Variants in PDE4A observed in about 807,000 individuals in gnomAD.
PDE4A encodes 3',5'-cyclic-AMP phosphodiesterase 4A.
Under a neutral mutation model 73.9 loss-of-function variants are expected in PDE4A, and 21 were observed. That is an observed-to-expected ratio of 0.28 (90% CI 0.20 to 0.41). PDE4A has a LOEUF of 0.41. Ranked by LOEUF, PDE4A falls within the 10% of genes least tolerant of loss-of-function variation. PDE4A has a pLI of 1.00. For missense variants in PDE4A, 958 were observed against 1,211.4 expected (o/e 0.79, Z 3.10); for synonymous variants, 463 against 505.4 (o/e 0.92, Z 1.13).
intron 1 of PDE4A, chr19:10,428,857 G>A: frequency 1.0e-6 from 1 of 985,408 alleles, no homozygotes; most frequent in Non-Finnish European, 1.2e-6. Flanking sequence ...TCACTGTTGG[G>A]CGCAGTGGCT....
intron 1 of PDE4A, among the ~76,000 whole-genome samples, chr19:10,436,768 A>G (rs759667134): frequency 6.6e-5 from 10 of 152,020 alleles, no homozygotes; most frequent in Non-Finnish European, 1.2e-4. Flanking sequence ...GGCTGGGTGC[A>G]GTGGCTCACG....
chr19:10,447,360 G>A (rs1373105910), intron 2 of PDE4A, among the ~76,000 whole-genome samples: 1 of 148,828 alleles, frequency 6.7e-6, no homozygotes, highest in East Asian at 2.0e-4. Context: ...TGAGTAGCTG[G>A]GACTACAGGT....
chr19:10,417,108 G>T, upstream of PDE4A: 1 of 1,453,050 alleles, frequency 6.9e-7, no homozygotes. Context: ...GCTGTGAGGA[G>T]TTTGGTCCCC....
chr19:10,428,834 C>T (rs754274307), intron 1 of PDE4A: 12 of 985,246 alleles, frequency 1.2e-5, no homozygotes, highest in Non-Finnish European at 1.2e-5. Context: ...GAGGTGGACT[C>T]GAAAATAGAG....
chr19:10,455,483 T>A lies in PDE4A; in HGVS notation c.877+561T>A, dbSNP rs200489573. On this transcript the variant is annotated intron_variant, in intron 7 of 14. Transcript: ENST00000380702. ...CTTGTCTCAAAAAAAAAAAAAAAAATATTAGCCGGGCATGGTGGTGTGTGC... is the reference window on the plus strand; with the variant it reads ...CTTGTCTCAAAAAAAAAAAAAAAAAAATTAGCCGGGCATGGTGGTGTGTGC... Among the ~76,000 whole-genome samples the A allele has an allele frequency of 8.0e-3, 907 of 113,680 alleles. 11 individuals are homozygous for A. Among genetic ancestry groups the A allele is most frequent in the East Asian group, 0.038 (156 of 4,130 alleles). 74.6% of individuals were successfully genotyped at this position (113,680 alleles called of 152,430 possible).
rs1022900181 is a variant in PDE4A at position 10,424,399 on chromosome 19, T to G, written c.320+3315T>G. ...ATCCGTCTGGTCGCTGGTCTCTGTC[T>G]CCACTTGGGTCCTCGCCTCCCCCTT... On this transcript the variant is annotated intron_variant, in intron 1 of 14. Transcript: ENST00000380702. The surrounding 1 kb of genome is among the most constrained non-coding windows in gnomAD (Gnocchi z 4.8). Among the ~76,000 whole-genome samples, 26 of 152,188 alleles carry G rather than the reference T, an allele frequency of 1.7e-4. No homozygotes were observed. Among genetic ancestry groups the G allele is most frequent in the Non-Finnish European group, 3.7e-4 (25 of 68,032 alleles).
chr19:10,465,295 A>T lies in PDE4A; in HGVS notation c.1926+1320A>T, dbSNP rs145127941. 8.5e-3 allele frequency among the ~76,000 whole-genome samples: 1,269 copies of T among 149,182 alleles called. 13 individuals are homozygous for T. The highest frequency in any genetic ancestry group is 0.029 in the African/African-American group (1,180 of 40,294). ...GAGTACAGTGGTGCAGTCTCAGCTCACTGCAACCTCCGCCTCTCGGGTTCA... is the reference window on the plus strand; with the variant it reads ...GAGTACAGTGGTGCAGTCTCAGCTCTCTGCAACCTCCGCCTCTCGGGTTCA... On this transcript the variant is annotated intron_variant, in intron 14 of 14. Coordinates refer to ENST00000380702, the MANE Select transcript of PDE4A (RefSeq NM_001111307.2).
intron 1 of PDE4A, among the ~76,000 whole-genome samples, chr19:10,432,952 G>A (rs1209203531): frequency 1.3e-5 from 2 of 152,124 alleles, no homozygotes; most frequent in Non-Finnish European, 2.9e-5. Context: ...AGTGTCTCCA[G>A]CCTTACCTTC....
chr19:10,417,997 TGGC>T, upstream of PDE4A: 1 of 1,053,842 alleles, frequency 9.5e-7, no homozygotes, highest in Non-Finnish European at 1.4e-6. Flanking sequence ...ACTTGTCCTG[TGGC>T]GGGCTGTGAC....
chr19:10,463,971 C>A lies in PDE4A; in HGVS notation c.1922C>A (p.Ser641Tyr), dbSNP rs1199282953. Residue 641 changes from serine to tyrosine, a missense_variant, in exon 14 of 15, where the codon TCT becomes TAT. Physicochemically the swap from Ser to Tyr is moderately radical, Grantham distance 144. This residue lies in a region of PDE4A where 570 missense variants were observed against 827.7 expected (regional missense o/e 0.69). Coordinates refer to ENST00000380702, the MANE Select transcript of PDE4A (RefSeq NM_001111307.2). The stretch of plus-strand genomic sequence containing the variant: ...AAGCACACTGCCTCCGTGGAGAAGT[C>A]TCAGGTACAGGCTCGGGGCATTGAT... ...CDKHTASVEKSQVGFIDYIVH... is the reference protein window; with the variant it reads ...CDKHTASVEKYQVGFIDYIVH... 1.2e-6 allele frequency: 2 copies of A among 1,613,948 alleles called. No individual in the cohort carries two copies. Among genetic ancestry groups the A allele is most frequent in the Non-Finnish European group, 1.7e-6 (2 of 1,179,996 alleles).
chr19:10,431,108 G>A lies in PDE4A; in HGVS notation c.320+10024G>A, dbSNP rs201979892. 54 of 1,466,220 alleles carry A rather than the reference G, an allele frequency of 3.7e-5. No individual in the cohort carries two copies. In the East Asian group the frequency reaches 1.2e-3, roughly 32 times the overall value. The allele number at this position is 1,466,220 out of a possible 1,614,324, so 90.8% of individuals were successfully genotyped here. Reference sequence around the variant, plus strand: ...CTGGGTAAGTGCAGCGCTGGTGGCCGTGGGTTCAAGTCGCCCCTGGCCACC... The same window carrying A: ...CTGGGTAAGTGCAGCGCTGGTGGCCATGGGTTCAAGTCGCCCCTGGCCACC... On this transcript the variant is annotated intron_variant, in intron 1 of 14. Coordinates refer to ENST00000380702, the MANE Select transcript of PDE4A (RefSeq NM_001111307.2).
At chr19:10,421,113 G>A in intron 1 of PDE4A, 29 bp downstream of exon 1, 1 of 1,353,510 alleles carries the variant, frequency 7.4e-7, no homozygotes. Context: ...GATGCGCGCG[G>A]AACGGATGGG....
chr19:10,451,681 G>A lies in PDE4A; in HGVS notation c.783+740G>A, dbSNP rs117820127. Among the ~76,000 whole-genome samples, 257 of 152,208 alleles carry A rather than the reference G, an allele frequency of 1.7e-3. 2 individuals carry two copies. The East Asian group carries it at 0.02, about 12-fold the overall frequency. ...TGTGTAGCTCTATGTGTTTGTGAAT[G>A]TGTGTGTTTGCAGGGCCGTAGGGGT... On this transcript the variant is annotated intron_variant, in intron 6 of 14. Transcript: ENST00000380702.
intron 1 of PDE4A, among the ~76,000 whole-genome samples, chr19:10,421,784 A>G (rs2042655022): frequency 6.6e-6 from 1 of 152,160 alleles, no homozygotes; most frequent in Non-Finnish European, 1.5e-5. Context: ...TGCAGAGGTG[A>G]CAGCATAGTG....
In PDE4A at chr19:10,459,657, G is replaced by A. The variant is rs201455431; in HGVS notation, c.1263G>A (p.Thr421=). 146 of 1,614,086 alleles carry A rather than the reference G, an allele frequency of 9.0e-5. No individual in the cohort carries two copies. The highest frequency in any genetic ancestry group is 2.7e-4 in the African/African-American group (20 of 74,928). The change falls in exon 10 of 15, where the codon ACG becomes ACA. Residue 421 remains threonine, a synonymous_variant. Transcript: ENST00000380702. ...ACACGATGGTGACATACATGCTGAC[G>A]CTGGAGGATCACTACCACGCTGACG... ...PVDTMVTYML[T]LEDHYHADVA... is the part of the protein sequence containing the mutation.
intron 1 of PDE4A, chr19:10,421,378 G>A (rs1398240428): frequency 9.2e-6 from 9 of 978,368 alleles, no homozygotes; most frequent in Non-Finnish European, 9.7e-6. Flanking sequence ...TGTATTCTTG[G>A]TGACAGTGCA....
At chr19:10,454,232 C>A (rs1333701645) in intron 6 of PDE4A, among the ~76,000 whole-genome samples, 1 of 152,124 alleles carries the variant, frequency 6.6e-6, no homozygotes, top group East Asian at 1.9e-4. Flanking sequence ...TTCCTCAGCT[C>A]ACCATTCTCC....
Position 10,453,459 on chromosome 19 carries a change from C to T in PDE4A, c.784-1370C>T. 1 of 1,199,742 alleles carries T rather than the reference C, an allele frequency of 8.3e-7. No homozygotes were observed. Among genetic ancestry groups the T allele is most frequent in the South Asian group, 1.6e-5 (1 of 61,424 alleles). The allele number at this position is 1,199,742 out of a possible 1,614,324, so 74.3% of individuals were successfully genotyped here. ...CTTGTGACTGTCTCTGTGTGTGGCC[C>T]AGGGCTGGGCGTGGATGGCGGGCAG... On this transcript the variant is annotated intron_variant, in intron 6 of 14. Coordinates refer to ENST00000380702, the MANE Select transcript of PDE4A (RefSeq NM_001111307.2). The surrounding 1 kb of genome is among the most constrained non-coding windows in gnomAD (Gnocchi z 4.6).
rs984374692 is a variant in PDE4A at position 10,457,900 on chromosome 19, T to G, written c.899T>G (p.Ile300Ser). ...TFLDKQNEVE[I>S]PSPTMKEREK... is the part of the protein sequence containing the mutation. The stretch of plus-strand genomic sequence containing the variant: ...GCAGACAAACAGAATGAAGTGGAGA[T>G]CCCATCACCCACGATGAAGGAACGA... Residue 300 changes from isoleucine (I) to serine (S), a missense_variant, in exon 8 of 15, where the codon ATC becomes AGC. Physicochemically the swap from Ile to Ser is moderately radical, Grantham distance 142. Transcript: ENST00000380702. 1.2e-6 allele frequency: 2 copies of G among 1,612,036 alleles called. No homozygotes were observed. The highest frequency in any genetic ancestry group is 2.7e-5 in the African/African-American group (2 of 74,752).
Sources: gnomAD v4.1 joint callset for allele counts (sites outside exome capture counted in the v4.1 genomes callset) on GRCh38, gnomAD v4.1.1 for gene constraint, gnomAD v4.1.1 regional missense constraint, Gnocchi (gnomAD v3.1) non-coding constraint, MANE v1.5 for transcripts, NCBI Gene and HGNC (gene_info 2026-07-23, HGNC 2026-07-21) for gene names.